Variants in ERMAP observed in about 807,000 individuals in gnomAD.
The protein encoded by ERMAP is erythroid membrane-associated protein.
In ERMAP, 34 loss-of-function variants were observed where a neutral mutation model predicts 49.5. The observed-to-expected ratio is 0.69, with a 90% CI of 0.52 to 0.91. The LOEUF (loss-of-function observed/expected upper bound fraction) is 0.91, where lower values mean the gene tolerates loss of function less well. Ranked by LOEUF, ERMAP falls within the 40% of genes least tolerant of loss-of-function variation. ERMAP has a pLI of 0.00. For synonymous variants in ERMAP, 214 were observed against 232.2 expected, an observed-to-expected ratio of 0.92 and a Z score of 0.71; for missense variants, 541 against 582.6, an observed-to-expected ratio of 0.93 and a Z score of 0.74.
In ERMAP at chr1:42,843,602, G is replaced by A. The variant is rs1655130971; in HGVS notation, c.*370G>A. ...CATCCTGCCCTCAAGCTTTAGTCAAGAAGTTATGGCCCCCAGTCCCTGACT... is the reference window on the plus strand; with the variant it reads ...CATCCTGCCCTCAAGCTTTAGTCAAAAAGTTATGGCCCCCAGTCCCTGACT... On this transcript the variant is annotated 3_prime_UTR_variant, in exon 12 of 12. Transcript: ENST00000372517. 5.2e-6 allele frequency: 1 copy of A among 192,864 alleles called. No individual in the cohort carries two copies. The highest frequency in any genetic ancestry group is 2.3e-5 in the African/African-American group (1 of 43,036). 11.9% of individuals were successfully genotyped at this position (192,864 alleles called of 1,614,324 possible).
chr1:42,834,807 T>TGCCTCC, intron 4 of ERMAP: 2 of 423,262 alleles, frequency 4.7e-6, no homozygotes. Flanking sequence ...CTCCTGCCTC[T>TGCCTCC]GCCTCCCAAA....
chr1:42,843,381 C>G lies in ERMAP; in HGVS notation c.*149C>G, dbSNP rs1458314822. 4 of 580,902 alleles carry G rather than the reference C, an allele frequency of 6.9e-6. No homozygotes were observed. Among genetic ancestry groups the G allele is most frequent in the Non-Finnish European group, 1.2e-5 (4 of 342,126 alleles). 36.0% of individuals were successfully genotyped at this position (580,902 alleles called of 1,614,324 possible). A position where few individuals can be genotyped will look rare whatever the true frequency, so the allele number is the denominator to read the frequency against. On this transcript the variant is annotated 3_prime_UTR_variant, in exon 12 of 12. Coordinates refer to ENST00000372517, the MANE Select transcript of ERMAP (RefSeq NM_001017922.2). Reference sequence around the variant, plus strand: ...GTTTCTATTTGTACCACTTTTCTCCCAGGCCTCAGTTCTGAAGCTTACCTT... The same window carrying G: ...GTTTCTATTTGTACCACTTTTCTCCGAGGCCTCAGTTCTGAAGCTTACCTT...
intron 2 of ERMAP, among the ~76,000 whole-genome samples, chr1:42,828,963 G>A (rs1654635377): frequency 6.6e-6 from 1 of 152,194 alleles, no homozygotes; most frequent in African/African-American, 2.4e-5. Flanking sequence ...AGAAAGTTGA[G>A]GGGTTTTGGG....
At chr1:42,828,739 C>T (rs1374001115) in intron 2 of ERMAP, among the ~76,000 whole-genome samples, 1 of 152,102 alleles carries the variant, frequency 6.6e-6, no homozygotes, top group Non-Finnish European at 1.5e-5. Flanking sequence ...CTCAAGTGAT[C>T]CTCCTGCCTT....
chr1:42,840,227 G>C (rs866426851), intron 10 of ERMAP, 43 bp from the exon 11 acceptor site: 1 of 1,614,048 alleles, frequency 6.2e-7, no homozygotes, highest in Non-Finnish European at 8.5e-7. Flanking sequence ...AGGAGTTCTT[G>C]ATGTCTCTGG....
chr1:42,843,653 C>A lies in ERMAP; in HGVS notation c.*421C>A, dbSNP rs767828851. 5.3e-5 allele frequency: 10 copies of A among 187,298 alleles called. No homozygotes were observed. Among genetic ancestry groups the A allele is most frequent in the Non-Finnish European group, 9.8e-5 (9 of 92,298 alleles). The allele number at this position is 187,298 out of a possible 1,614,324, so 11.6% of individuals were successfully genotyped here. ...TCTTACTTATCCCATTGAGGACTGCCTTTCTCTCTCTCAGTTCTGGCCTCT... is the reference window on the plus strand; with the variant it reads ...TCTTACTTATCCCATTGAGGACTGCATTTCTCTCTCTCAGTTCTGGCCTCT... On this transcript the variant is annotated 3_prime_UTR_variant, in exon 12 of 12. Coordinates refer to ENST00000372517, the MANE Select transcript of ERMAP (RefSeq NM_001017922.2).
chr1:42,840,392 T>C, intron 11 of ERMAP, 96 bp downstream of exon 11: 2 of 1,483,668 alleles, frequency 1.3e-6, no homozygotes, highest in Middle Eastern at 2.0e-4. Context: ...GGAATGCAGG[T>C]AATTTAAAAA....
At chr1:42,829,293 T>C (rs1165071811) in intron 2 of ERMAP, among the ~76,000 whole-genome samples, 1 of 152,222 alleles carries the variant, frequency 6.6e-6, no homozygotes, top group African/African-American at 2.4e-5. Context: ...TGAGAATGTG[T>C]TCAACGCTAG....
At chr1:42,817,324 C>T (rs1654264885) in intron 1 of ERMAP, 71 bp downstream of exon 1, 1 of 1,101,808 alleles carries the variant, frequency 9.1e-7, no homozygotes, top group Non-Finnish European at 1.2e-6. Context: ...TGGGCGGGGC[C>T]GCGCGCCGGG....
chr1:42,837,172 G>C lies in ERMAP; in HGVS notation c.598G>C (p.Asp200His). Residue 200 changes from aspartate (D) to histidine (H), a missense_variant, in exon 7 of 12, where the codon GAC becomes CAC. Asp to His is a moderately conservative substitution (Grantham distance 81, BLOSUM62 -1). Coordinates refer to ENST00000372517, the MANE Select transcript of ERMAP (RefSeq NM_001017922.2). ...TCTTCCTCTAGACAATCTTCTTTCAGACCATGCTAAAGAAAAAGGTAATGA... is the reference window on the plus strand; with the variant it reads ...TCTTCCTCTAGACAATCTTCTTTCACACCATGCTAAAGAAAAAGGTAATGA... ...HVTEVDNLLS[D>H]HAKEKGKLHK... is the part of the protein sequence containing the mutation. The C allele has an allele frequency of 6.2e-7, 1 of 1,613,994 alleles. No individual in the cohort carries two copies. Among genetic ancestry groups the C allele is most frequent in the East Asian group, 2.2e-5 (1 of 44,878 alleles).
intron 1 of ERMAP, among the ~76,000 whole-genome samples, chr1:42,822,571 AG>A (rs1654432395): frequency 6.6e-6 from 1 of 152,238 alleles, no homozygotes; most frequent in Non-Finnish European, 1.5e-5. Context: ...TGATCAGATC[AG>A]GGTAATTGGC....
rs539748946 is a variant in ERMAP, at chr1:42,833,037, T to C, written c.433+1922T>C. 3.9e-5 allele frequency among the ~76,000 whole-genome samples: 6 copies of C among 152,348 alleles called. No individual in the cohort carries two copies. The South Asian group carries it at 1.2e-3, about 32-fold the overall frequency. On this transcript the variant is annotated intron_variant, in intron 4 of 11. Transcript: ENST00000372517. The stretch of plus-strand genomic sequence containing the variant: ...AAAGCTGGGCTCTTCCAAATAGCAG[T>C]GTCTAGCAGAGTCAGGGACAGCACA...
chr1:42,820,994 G>C (rs1030806079), intron 1 of ERMAP, among the ~76,000 whole-genome samples: 1 of 152,224 alleles, frequency 6.6e-6, no homozygotes, highest in African/African-American at 2.4e-5. Context: ...TCTCAGTTGA[G>C]AATCAGCTTT....
Position 42,819,206 on chromosome 1 carries a change from T to TGA in ERMAP, c.-122+1954_-122+1955insAG, listed in dbSNP as rs60221239. On this transcript the variant is annotated intron_variant, in intron 1 of 11. Coordinates refer to ENST00000372517, the MANE Select transcript of ERMAP (RefSeq NM_001017922.2). The surrounding 1 kb of genome is among the most constrained non-coding windows in gnomAD (Gnocchi z 5.1). ...GTGTGTGTGTGTGTGTGTGTGTGTG[T>TGA]GCGCGCGCGCAAGAGAGGGACCGAG... Among the ~76,000 whole-genome samples, 1 of 81,726 alleles carries TGA rather than the reference T, an allele frequency of 1.2e-5. No individual in the cohort carries two copies. The highest frequency in any genetic ancestry group is 3.5e-5 in the African/African-American group (1 of 28,540). 53.6% of individuals were successfully genotyped at this position (81,726 alleles called of 152,430 possible).
Position 42,836,789 on chromosome 1 carries a change from G to T in ERMAP, c.584-369G>T, listed in dbSNP as rs191914302. On this transcript the variant is annotated intron_variant, in intron 6 of 11. Transcript: ENST00000372517. The stretch of plus-strand genomic sequence containing the variant: ...GAATTGCTTGAACCCCGGAGACAGA[G>T]GTTGCAGTGAGTCAAGATCGTGCCA... The T allele has an allele frequency of 1.2e-4, 21 of 177,086 alleles. No individual in the cohort carries two copies. In the East Asian group the frequency reaches 3.0e-3, roughly 25 times the overall value. 11.0% of individuals were successfully genotyped at this position (177,086 alleles called of 1,614,324 possible).
Position 42,843,348 on chromosome 1 carries a change from C to T in ERMAP, c.*116C>T, listed in dbSNP as rs1246092914. ...CTTCACCTTAACCCAAATCCAGACC[C>T]TTTTGTGGTTTCTATTTGTACCACT... On this transcript the variant is annotated 3_prime_UTR_variant, in exon 12 of 12. Coordinates refer to ENST00000372517, the MANE Select transcript of ERMAP (RefSeq NM_001017922.2). The T allele has an allele frequency of 2.9e-6, 2 of 692,634 alleles. No homozygotes were observed. Among genetic ancestry groups the T allele is most frequent in the Admixed American group, 3.3e-5 (1 of 30,550 alleles). 42.9% of individuals were successfully genotyped at this position (692,634 alleles called of 1,614,324 possible). A position where few individuals can be genotyped will look rare whatever the true frequency, so the allele number is the denominator to read the frequency against.
chr1:42,829,993 A>G (rs773977603), intron 2 of ERMAP: 29 of 162,756 alleles, frequency 1.8e-4, no homozygotes, highest in Non-Finnish European at 2.6e-4. Context: ...TCCAGGCTGC[A>G]TCTTGGGCAA....
In ERMAP at chr1:42,835,712, C is replaced by T. The variant is rs1440572247; in HGVS notation, c.551-20C>T. ...AAAAGCCCTTCCTAAGCTGAGCTGG[C>T]ATTTCTCTCTCCCTTTTAGAAAAGC... On this transcript the variant is annotated intron_variant, in intron 5 of 11. Transcript: ENST00000372517. The T allele has an allele frequency of 6.2e-7, 1 of 1,611,812 alleles. No individual in the cohort carries two copies. Among genetic ancestry groups the T allele is most frequent in the Non-Finnish European group, 8.5e-7 (1 of 1,179,002 alleles).
chr1:42,831,534 G>T (rs1654729457), intron 4 of ERMAP, among the ~76,000 whole-genome samples: 4 of 148,278 alleles, frequency 2.7e-5, no homozygotes, highest in Admixed American at 2.7e-4. Flanking sequence ...GAAAGTAAAG[G>T]GTTAGGAAGG....
Sources: gnomAD v4.1 joint callset for allele counts (sites outside exome capture counted in the v4.1 genomes callset) on GRCh38, gnomAD v4.1.1 for gene constraint, Gnocchi (gnomAD v3.1) non-coding constraint, MANE v1.5 for transcripts, NCBI Gene and HGNC (gene_info 2026-07-23, HGNC 2026-07-21) for gene names.